SUGCT: variants seen among roughly 807,000 people sequenced by gnomAD.
SUGCT encodes succinyl-CoA:glutarate CoA-transferase.
A neutral mutation model predicts 55.0 loss-of-function variants in SUGCT; 41 were observed. The observed-to-expected ratio is 0.74, with a 90% CI of 0.58 to 0.97. The LOEUF (loss-of-function observed/expected upper bound fraction) is 0.97. Ranked by LOEUF, SUGCT falls within the 50% of genes least tolerant of loss-of-function variation. The probability of loss-of-function intolerance (pLI) is 0.00; values close to 1 mark genes in which losing one functional copy is unlikely to be tolerated. For missense variants in SUGCT, 568 were observed against 547.8 expected (o/e 1.04, Z -0.37); for synonymous variants, 187 against 200.4 (o/e 0.93, Z 0.56).
the SUGCT span, among the ~76,000 whole-genome samples, chr7:40,893,101 TA>T: frequency 6.6e-6 from 1 of 152,160 alleles, no homozygotes; most frequent in Admixed American, 6.5e-5. Flanking sequence ...TATATAATGA[TA>T]AAAAGGTCAA....
chr7:41,016,572 G>C, the SUGCT span, among the ~76,000 whole-genome samples: 1 of 152,148 alleles, frequency 6.6e-6, no homozygotes, highest in Non-Finnish European at 1.5e-5. Flanking sequence ...TAAAAAGAAA[G>C]AAAACATGAA....
At chr7:40,838,882 G>A (rs940308712) in intron 13 of SUGCT, among the ~76,000 whole-genome samples, 1 of 149,168 alleles carries the variant, frequency 6.7e-6, no homozygotes, top group African/African-American at 2.5e-5. Context: ...ATTGGGTTTT[G>A]TAAATGCTTT....
chr7:40,254,903 A>G (rs1790698946), intron 7 of SUGCT, among the ~76,000 whole-genome samples: 1 of 151,836 alleles, frequency 6.6e-6, no homozygotes, highest in African/African-American at 2.4e-5. Context: ...TTTGCTTTAA[A>G]GTTTGAAAAA....
chr7:40,744,794 C>T (rs1183579944), intron 12 of SUGCT, among the ~76,000 whole-genome samples: 1 of 152,158 alleles, frequency 6.6e-6, no homozygotes, highest in Non-Finnish European at 1.5e-5. Flanking sequence ...TTATTTTTAA[C>T]CTTAACATCT....
the SUGCT span, among the ~76,000 whole-genome samples, chr7:41,026,306 G>T: frequency 6.6e-6 from 1 of 152,246 alleles, no homozygotes; most frequent in South Asian, 2.1e-4. Context: ...CCTGGTCAGC[G>T]CTGTCCCCAG....
chr7:40,790,446 T>C (rs1301059419), intron 13 of SUGCT, among the ~76,000 whole-genome samples: 1 of 152,190 alleles, frequency 6.6e-6, no homozygotes, highest in Non-Finnish European at 1.5e-5. Context: ...TTCATAGCAG[T>C]GTGAGAATGG....
chr7:40,576,071 G>GT (rs145629454), intron 12 of SUGCT, among the ~76,000 whole-genome samples: 3,855 of 152,194 alleles, frequency 0.025, 171 homozygotes, highest in African/African-American at 0.085. Flanking sequence ...CGTTGCTCAT[G>GT]TTTGCATCTA....
chr7:40,961,486 T>C, the SUGCT span, among the ~76,000 whole-genome samples: 2 of 152,202 alleles, frequency 1.3e-5, no homozygotes, highest in Non-Finnish European at 2.9e-5. Context: ...TAGGATGGAC[T>C]TCATCTCACA....
At chr7:40,783,091 C>A (rs1225269183) in intron 13 of SUGCT, among the ~76,000 whole-genome samples, 3 of 152,148 alleles carry the variant, frequency 2.0e-5, no homozygotes, top group Non-Finnish European at 1.5e-5. Context: ...GCATAAGCTT[C>A]TTCCTGGCGT....
At chr7:40,537,243 T>C (rs1201553307) in intron 12 of SUGCT, among the ~76,000 whole-genome samples, 1 of 152,196 alleles carries the variant, frequency 6.6e-6, no homozygotes, top group Non-Finnish European at 1.5e-5. Flanking sequence ...TCTTTTGCTA[T>C]AGCTGCGTGG....
chr7:40,434,898 A>G (rs1025064564), intron 9 of SUGCT, among the ~76,000 whole-genome samples: 1 of 152,088 alleles, frequency 6.6e-6, no homozygotes, highest in African/African-American at 2.4e-5. Context: ...ACTTGTTTTA[A>G]TATTTGGTTA....
chr7:40,944,261 C>T, the SUGCT span, among the ~76,000 whole-genome samples: 1 of 151,910 alleles, frequency 6.6e-6, no homozygotes, highest in Non-Finnish European at 1.5e-5. Context: ...GTTTCTTTTG[C>T]TGTGTAGAAG....
intron 7 of SUGCT, among the ~76,000 whole-genome samples, chr7:40,259,674 G>A (rs185953444): frequency 2.6e-5 from 4 of 152,240 alleles, no homozygotes; most frequent in Admixed American, 6.5e-5. Flanking sequence ...GATGCCAGTT[G>A]TATGGTTATC....
chr7:40,152,028 A>G (rs937433298), intron 1 of SUGCT, among the ~76,000 whole-genome samples: 24 of 152,192 alleles, frequency 1.6e-4, no homozygotes, highest in African/African-American at 5.5e-4. Context: ...GGGTGGCACC[A>G]GCTGGTGCAT....
the SUGCT span, among the ~76,000 whole-genome samples, chr7:40,957,610 A>G: frequency 2.0e-5 from 3 of 151,862 alleles, no homozygotes; most frequent in Non-Finnish European, 4.4e-5. Context: ...TTGCTAGTCT[A>G]TGTCTTTTAA....
At chr7:40,576,193 G>C (rs1796746323) in intron 12 of SUGCT, among the ~76,000 whole-genome samples, 1 of 152,158 alleles carries the variant, frequency 6.6e-6, no homozygotes, top group Non-Finnish European at 1.5e-5. Flanking sequence ...GGCAGAGCAG[G>C]AATGTGTTTA....
At chr7:40,534,813 A>G (rs73122154) in intron 12 of SUGCT, among the ~76,000 whole-genome samples, 2,195 of 152,276 alleles carry the variant, frequency 0.014, 24 homozygotes, top group Middle Eastern at 0.024. Context: ...AATGGTAAAC[A>G]TGCTTTCAAG....
intron 12 of SUGCT, among the ~76,000 whole-genome samples, chr7:40,565,478 T>C (rs1796077655): frequency 1.3e-5 from 2 of 152,184 alleles, no homozygotes; most frequent in East Asian, 3.9e-4. Flanking sequence ...ATTCATCTTT[T>C]CTTTGATTCA....
At chr7:40,972,542 A>C in the SUGCT span, among the ~76,000 whole-genome samples, 1 of 152,206 alleles carries the variant, frequency 6.6e-6, no homozygotes, top group African/African-American at 2.4e-5. Flanking sequence ...GTGGGTTTGC[A>C]TTGCAACAGG....
Sources: allele counts gnomAD v4.1 joint callset (sites outside exome capture counted in the v4.1 genomes callset), GRCh38; gene constraint gnomAD v4.1.1; transcripts MANE v1.5; gene names NCBI Gene and HGNC (gene_info 2026-07-23, HGNC 2026-07-21).